Variants in SIK2 observed in about 807,000 individuals in gnomAD.
SIK2 encodes serine/threonine-protein kinase SIK2.
In SIK2, 29 loss-of-function variants were observed where a neutral mutation model predicts 103.2. That is an observed-to-expected ratio of 0.28 (90% CI 0.21 to 0.38). SIK2 has a LOEUF of 0.38. SIK2 is among the 10% of genes least tolerant of loss of function. The pLI is 1.00. For missense variants in SIK2, 879 were observed against 1,171.0 expected, an observed-to-expected ratio of 0.75 and a Z score of 3.64; for synonymous variants, 412 against 446.1, an observed-to-expected ratio of 0.92 and a Z score of 0.96.
intron 3 of SIK2, among the ~76,000 whole-genome samples, chr11:111,624,876 G>T (rs933578404): frequency 2.6e-5 from 4 of 152,154 alleles, no homozygotes; most frequent in Non-Finnish European, 5.9e-5. Context: ...AGAAGGCCTC[G>T]CTGGCATTTG....
At chr11:111,666,469 G>A (rs1942543787) in intron 3 of SIK2, among the ~76,000 whole-genome samples, 2 of 152,192 alleles carry the variant, frequency 1.3e-5, no homozygotes, top group African/African-American at 4.8e-5. Context: ...CAGATAGTTT[G>A]TAAAAGCTGA....
Position 111,724,914 on chromosome 11 carries a change from C to T in SIK2, c.*785C>T, listed in dbSNP as rs1943921431. On this transcript the variant is annotated 3_prime_UTR_variant, in exon 15 of 15. Transcript: ENST00000304987. ...GCAGGGGGCAAGAAACTCAAGAACG[C>T]ATCAAGAGCACCAGCCCTGGGCCAG... 1 of 152,316 alleles carries T rather than the reference C, an allele frequency of 6.6e-6. No individual in the cohort carries two copies. Among genetic ancestry groups the T allele is most frequent in the South Asian group, 2.1e-4 (1 of 4,828 alleles). 9.4% of individuals were successfully genotyped at this position (152,316 alleles called of 1,614,324 possible). A position where few individuals can be genotyped will look rare whatever the true frequency, so the allele number is the denominator to read the frequency against.
intron 3 of SIK2, among the ~76,000 whole-genome samples, chr11:111,650,330 A>G (rs1284253294): frequency 6.6e-6 from 1 of 152,092 alleles, no homozygotes; most frequent in Non-Finnish European, 1.5e-5. Flanking sequence ...AATTACTGGT[A>G]GGTATATATT....
At chr11:111,611,086 A>ATATG (rs1491468103) in intron 1 of SIK2, among the ~76,000 whole-genome samples, 120 of 89,762 alleles carry the variant, frequency 1.3e-3, no homozygotes, top group African/African-American at 3.2e-3. Context: ...TCTCGACCAA[A>ATATG]TGTGTGTGTG....
chr11:111,696,612 C>A (rs1285763803), intron 4 of SIK2, among the ~76,000 whole-genome samples: 1 of 152,148 alleles, frequency 6.6e-6, no homozygotes, highest in Non-Finnish European at 1.5e-5. Context: ...TGCTTTCTAG[C>A]AGGGCTAGGC....
intron 4 of SIK2, among the ~76,000 whole-genome samples, chr11:111,695,520 A>C (rs1943050933): frequency 6.6e-6 from 1 of 152,254 alleles, no homozygotes; most frequent in Non-Finnish European, 1.5e-5. Context: ...TTGCAACAGT[A>C]AACATTGACA....
chr11:111,718,645 G>C (rs1395933828), intron 9 of SIK2: 3 of 152,186 alleles, frequency 2.0e-5, no homozygotes, highest in African/African-American at 7.2e-5. Context: ...CAGATTGGCT[G>C]CCATAAGAGG....
chr11:111,714,238 T>C (rs1943578726), intron 9 of SIK2, among the ~76,000 whole-genome samples: 1 of 152,200 alleles, frequency 6.6e-6, no homozygotes, highest in Non-Finnish European at 1.5e-5. Flanking sequence ...AAAGGGCACA[T>C]GCAGGGAAGC....
At position 111,730,458 on chromosome 11, in the gene SIK2, A is replaced by C. The variant is rs550791064; in HGVS notation, c.*6329A>C. On this transcript the variant is annotated 3_prime_UTR_variant, in exon 15 of 15. Transcript: ENST00000304987. ...AGTTTGAGAAATAAAAGGGATACAG[A>C]GATATCTGCACTTTGTAGAAAGGGC... 2 of 152,224 alleles carry C rather than the reference A, an allele frequency of 1.3e-5. No homozygotes were observed. The highest frequency in any genetic ancestry group is 4.8e-5 in the African/African-American group (2 of 41,446). 9.4% of individuals were successfully genotyped at this position (152,224 alleles called of 1,614,324 possible). A position where few individuals can be genotyped will look rare whatever the true frequency, so the allele number is the denominator to read the frequency against.
chr11:111,686,190 C>T (rs1308100508), intron 3 of SIK2, among the ~76,000 whole-genome samples: 2 of 152,180 alleles, frequency 1.3e-5, no homozygotes, highest in African/African-American at 4.8e-5. Flanking sequence ...CCTGTAATCC[C>T]AGCACTTTGG....
intron 3 of SIK2, among the ~76,000 whole-genome samples, chr11:111,651,786 T>A (rs1466426983): frequency 6.6e-6 from 1 of 152,212 alleles, no homozygotes; most frequent in Non-Finnish European, 1.5e-5. Context: ...TGGCAAGAAC[T>A]CCATTTTAAT....
intron 1 of SIK2, among the ~76,000 whole-genome samples, chr11:111,611,651 T>C (rs1941727845): frequency 6.6e-6 from 1 of 152,204 alleles, no homozygotes; most frequent in Non-Finnish European, 1.5e-5. Flanking sequence ...TTCAGTCCTT[T>C]AGTAGAAGGA....
rs559673585 is a variant in SIK2 at position 111,642,775 on chromosome 11, G to A, written c.316+22373G>A. On this transcript the variant is annotated intron_variant, in intron 3 of 14. Coordinates refer to ENST00000304987, the MANE Select transcript of SIK2 (RefSeq NM_015191.3). Reference sequence around the variant, plus strand: ...CAGTGTCCATCCTGAAGTGTCTGGGGACTCACCACTAGTCACCTCATTAGC... The same window carrying A: ...CAGTGTCCATCCTGAAGTGTCTGGGAACTCACCACTAGTCACCTCATTAGC... Among the ~76,000 whole-genome samples, 7 of 152,212 alleles carry A rather than the reference G, an allele frequency of 4.6e-5. No individual in the cohort carries two copies. The South Asian group carries it at 1.2e-3, about 27-fold the overall frequency.
chr11:111,661,709 C>T (rs993855390), intron 3 of SIK2, among the ~76,000 whole-genome samples: 9 of 152,194 alleles, frequency 5.9e-5, no homozygotes, highest in Non-Finnish European at 1.0e-4. Flanking sequence ...CCAGGGAGGC[C>T]TTACAATCAT....
chr11:111,661,975 A>C (rs888664121), intron 3 of SIK2, among the ~76,000 whole-genome samples: 1 of 152,218 alleles, frequency 6.6e-6, no homozygotes, highest in Non-Finnish European at 1.5e-5. Flanking sequence ...GTCTGTAATA[A>C]ATAACTCAAA....
intron 9 of SIK2, among the ~76,000 whole-genome samples, chr11:111,715,628 G>A (rs1943617321): frequency 6.6e-6 from 1 of 152,102 alleles, no homozygotes. Flanking sequence ...AGATAAGAAT[G>A]GTTGGATCAG....
intron 8 of SIK2, among the ~76,000 whole-genome samples, chr11:111,710,450 T>C (rs1007895707): frequency 1.3e-5 from 2 of 152,266 alleles, no homozygotes; most frequent in African/African-American, 4.8e-5. Context: ...AAATATAAAG[T>C]ATGTTGAAAA....
rs140032346 is a variant in SIK2, at chr11:111,658,667, G to T, written c.317-29334G>T. Among the ~76,000 whole-genome samples, 242 of 152,102 alleles carry T rather than the reference G, an allele frequency of 1.6e-3. 2 individuals are homozygous for T. The highest frequency in any genetic ancestry group is 5.4e-3 in the African/African-American group (224 of 41,506). ...TGAGGTAGGAGAATCACCTGAGCCC[G>T]GTGATCAAGGATGCAGTGAGCCATG... On this transcript the variant is annotated intron_variant, in intron 3 of 14. Coordinates refer to ENST00000304987, the MANE Select transcript of SIK2 (RefSeq NM_015191.3).
chr11:111,665,856 GA>G (rs199536552), intron 3 of SIK2, among the ~76,000 whole-genome samples: 1,850 of 142,098 alleles, frequency 0.013, 41 homozygotes, highest in African/African-American at 0.041. Context: ...GAAAGAAAAA[GA>G]AAAAAAAAAA....
Sources: allele counts gnomAD v4.1 joint callset (sites outside exome capture counted in the v4.1 genomes callset), GRCh38; gene constraint gnomAD v4.1.1; transcripts MANE v1.5; gene names NCBI Gene and HGNC (gene_info 2026-07-23, HGNC 2026-07-21).